Variants in NKAIN2 observed in about 807,000 individuals in gnomAD.
NKAIN2 encodes sodium/potassium transporting ATPase interacting 2, also known as sodium/potassium-transporting ATPase subunit beta-1-interacting protein 2.
NKAIN2 carries 14 observed loss-of-function variants against 32.6 expected under a neutral mutation model. The ratio of observed to expected loss-of-function variants is 0.43; its 90% confidence interval spans 0.28 to 0.67. NKAIN2 has a LOEUF of 0.67. Among genes scored for constraint, NKAIN2 ranks in the 30% least tolerant of loss-of-function variants. NKAIN2 has a pLI of 0.17. For synonymous variants in NKAIN2, 80 were observed against 87.2 expected, an observed-to-expected ratio of 0.92 and a Z score of 0.46; for missense variants, 198 against 258.3, an observed-to-expected ratio of 0.77 and a Z score of 1.60.
intron 1 of NKAIN2, among the ~76,000 whole-genome samples, chr6:124,212,980 C>A (rs17637441): frequency 6.6e-6 from 1 of 152,128 alleles, no homozygotes; most frequent in South Asian, 2.1e-4. Flanking sequence ...ATGTTTATTT[C>A]GTTAGATATA....
intron 3 of NKAIN2, among the ~76,000 whole-genome samples, chr6:124,441,143 A>G (rs991163125): frequency 6.6e-6 from 1 of 152,094 alleles, no homozygotes; most frequent in African/African-American, 2.4e-5. Flanking sequence ...CATGATTCAC[A>G]CACTTCTACC....
chr6:124,003,359 G>T (rs1260004184), intron 1 of NKAIN2, among the ~76,000 whole-genome samples: 1 of 152,026 alleles, frequency 6.6e-6, no homozygotes, highest in Non-Finnish European at 1.5e-5. Context: ...CTCTTTCCAT[G>T]GCTATATATG....
chr6:123,841,883 C>CAACT (rs1289566154), intron 1 of NKAIN2, among the ~76,000 whole-genome samples: 1 of 152,148 alleles, frequency 6.6e-6, no homozygotes, highest in Non-Finnish European at 1.5e-5. Flanking sequence ...GTCAGTCAAG[C>CAACT]AACTATAGGA....
At chr6:124,400,872 C>A (rs76293989) in intron 3 of NKAIN2, among the ~76,000 whole-genome samples, 1 of 152,084 alleles carries the variant, frequency 6.6e-6, no homozygotes, top group Non-Finnish European at 1.5e-5. Context: ...TTTTTATGGT[C>A]ACACCTATTT....
At chr6:124,023,683 C>T (rs1780975808) in intron 1 of NKAIN2, among the ~76,000 whole-genome samples, 1 of 152,122 alleles carries the variant, frequency 6.6e-6, no homozygotes. Context: ...ATTAACTTTA[C>T]ATTGATTTTC....
chr6:124,323,850 C>A (rs181877404), intron 2 of NKAIN2, among the ~76,000 whole-genome samples: 182 of 145,082 alleles, frequency 1.3e-3, no homozygotes, highest in African/African-American at 4.6e-3. Context: ...TTCAGTGGCA[C>A]AATCTCGGCT....
intron 1 of NKAIN2, among the ~76,000 whole-genome samples, chr6:123,937,708 G>A (rs1399054235): frequency 2.0e-5 from 3 of 151,988 alleles, no homozygotes; most frequent in South Asian, 2.1e-4. Flanking sequence ...CTGCTAATTC[G>A]TGACTTGATG....
intron 1 of NKAIN2, among the ~76,000 whole-genome samples, chr6:123,988,903 G>A (rs5879711): frequency 0.35 from 51,644 of 147,988 alleles, 10,061 homozygotes; most frequent in Middle Eastern, 0.47. Context: ...GTGTGTGTGT[G>A]TGTATGTGAG....
chr6:124,345,761 T>G (rs1205230111), intron 2 of NKAIN2, among the ~76,000 whole-genome samples: 1 of 152,024 alleles, frequency 6.6e-6, no homozygotes, highest in Non-Finnish European at 1.5e-5. Flanking sequence ...GTCTATCAAT[T>G]TTGTTGATCC....
At chr6:124,563,764 A>G (rs1354707125) in intron 3 of NKAIN2, among the ~76,000 whole-genome samples, 2 of 152,116 alleles carry the variant, frequency 1.3e-5, no homozygotes, top group East Asian at 1.9e-4. Context: ...CCCAGGTTCA[A>G]GCAATTCTGG....
intron 1 of NKAIN2, among the ~76,000 whole-genome samples, chr6:123,884,508 A>AAG (rs1402538341): frequency 6.6e-6 from 1 of 152,138 alleles, no homozygotes; most frequent in African/African-American, 2.4e-5. Context: ...GTGTTTCTTG[A>AAG]AGTAATCTCT....
chr6:123,914,365 G>T (rs1775384525), intron 1 of NKAIN2, among the ~76,000 whole-genome samples: 1 of 152,024 alleles, frequency 6.6e-6, no homozygotes, highest in Admixed American at 6.6e-5. Context: ...GGAAGCCAGG[G>T]AGGGAGGGAG....
intron 3 of NKAIN2, among the ~76,000 whole-genome samples, chr6:124,505,645 T>A (rs193125479): frequency 2.6e-5 from 4 of 152,334 alleles, no homozygotes; most frequent in East Asian, 1.9e-4. Flanking sequence ...CTGATTTTTT[T>A]AATCACAATA....
intron 3 of NKAIN2, among the ~76,000 whole-genome samples, chr6:124,575,885 A>G (rs1179471941): frequency 1.3e-5 from 2 of 152,160 alleles, no homozygotes; most frequent in Non-Finnish European, 2.9e-5. Context: ...TTTCTTTATA[A>G]TGTTAAGATG....
intron 1 of NKAIN2, among the ~76,000 whole-genome samples, chr6:123,844,044 G>C (rs1387909): frequency 0.81 from 122,638 of 152,108 alleles, 52,143 homozygotes; most frequent in East Asian, 0.99. Context: ...GTAGGTAAGA[G>C]AACTTATGAG....
At chr6:124,352,498 T>A (rs1317668927) in intron 2 of NKAIN2, among the ~76,000 whole-genome samples, 1 of 152,198 alleles carries the variant, frequency 6.6e-6, no homozygotes. Context: ...GCATTGACAT[T>A]TTTAAATACT....
chr6:123,865,149 T>C (rs1775933348), intron 1 of NKAIN2, among the ~76,000 whole-genome samples: 1 of 152,156 alleles, frequency 6.6e-6, no homozygotes, highest in Non-Finnish European at 1.5e-5. Context: ...CTTCTTTCAA[T>C]GTGAGCAATA....
intron 3 of NKAIN2, among the ~76,000 whole-genome samples, chr6:124,414,670 A>G (rs967471111): frequency 1.3e-5 from 2 of 152,120 alleles, no homozygotes; most frequent in African/African-American, 2.4e-5. Flanking sequence ...TACAATTTCA[A>G]TTTCTTTATA....
At chr6:124,297,885 A>T (rs561725702) in intron 2 of NKAIN2, among the ~76,000 whole-genome samples, 1 of 152,176 alleles carries the variant, frequency 6.6e-6, no homozygotes, top group Non-Finnish European at 1.5e-5. Context: ...GAGGCTAAAA[A>T]CCTGACTCTA....
Sources: allele counts gnomAD v4.1 joint callset (sites outside exome capture counted in the v4.1 genomes callset), GRCh38; gene constraint gnomAD v4.1.1; transcripts MANE v1.5; gene names NCBI Gene and HGNC (gene_info 2026-07-23, HGNC 2026-07-21).